Variants in ARHGAP42 observed in about 807,000 individuals in gnomAD.
ARHGAP42 encodes the protein rho GTPase-activating protein 42.
Under a neutral mutation model 125.0 loss-of-function variants are expected in ARHGAP42, and 63 were observed. The observed-to-expected ratio is 0.50, with a 90% CI of 0.41 to 0.62. The LOEUF (loss-of-function observed/expected upper bound fraction) is 0.62, where lower values mean the gene tolerates loss of function less well. Among genes scored for constraint, ARHGAP42 ranks in the 20% least tolerant of loss-of-function variants. The pLI is 0.00. For synonymous variants in ARHGAP42, 339 were observed against 351.0 expected (o/e 0.97, Z 0.38); for missense variants, 766 against 1,024.2 (o/e 0.75, Z 3.44).
Position 100,933,179 on chromosome 11 carries a change from A to G in ARHGAP42, c.621A>G (p.Leu207=), listed in dbSNP as rs762667631. Residue 207 remains leucine, a synonymous_variant, in exon 7 of 24, where the codon TTA becomes TTG. Coordinates refer to ENST00000298815, the MANE Select transcript of ARHGAP42 (RefSeq NM_152432.4). ...AGCTTTTGTCATTTCTTCAGGGCTTATTTACTTTTTACCATGAGGGATATG... is the reference window on the plus strand; with the variant it reads ...AGCTTTTGTCATTTCTTCAGGGCTTGTTTACTTTTTACCATGAGGGATATG... The part of the protein sequence containing the change: ...VEPLLSFLQG[L]FTFYHEGYEL... 5.6e-5 allele frequency: 87 copies of G among 1,549,276 alleles called. No homozygotes were observed. The highest frequency in any genetic ancestry group is 1.4e-4 in the Admixed American group (7 of 50,882).
At chr11:100,941,046 G>A (rs651301) in intron 8 of ARHGAP42, among the ~76,000 whole-genome samples, 27,053 of 152,062 alleles carry the variant, frequency 0.18, 3,330 homozygotes, top group East Asian at 0.42. Context: ...TCCAGGAAAG[G>A]CCATATTATG....
chr11:100,889,061 A>T (rs1181340312), intron 4 of ARHGAP42, among the ~76,000 whole-genome samples: 1 of 152,198 alleles, frequency 6.6e-6, no homozygotes, highest in Non-Finnish European at 1.5e-5. Flanking sequence ...TAAACTTAAC[A>T]TCCTTGGAAC....
chr11:100,706,106 C>T (rs924754691), intron 1 of ARHGAP42, among the ~76,000 whole-genome samples: 3 of 151,706 alleles, frequency 2.0e-5, no homozygotes, highest in African/African-American at 4.8e-5. Context: ...CAGCCTCCCA[C>T]GTAGCTGGGA....
At chr11:100,953,814 C>T (rs942852809) in intron 12 of ARHGAP42, among the ~76,000 whole-genome samples, 3 of 17,038 alleles carry the variant, frequency 1.8e-4, no homozygotes, top group South Asian at 1.7e-3. Flanking sequence ...GCTGCAATAT[C>T]CATGAAATTG....
intron 22 of ARHGAP42, among the ~76,000 whole-genome samples, chr11:100,983,078 C>T (rs73001795): frequency 0.011 from 1,741 of 152,296 alleles, 20 homozygotes; most frequent in Admixed American, 0.02. Context: ...GCACAGCCTT[C>T]TAATCTCATC....
At chr11:100,770,623 GCT>G (rs1173110832) in intron 2 of ARHGAP42, among the ~76,000 whole-genome samples, 185 bp downstream of exon 2, 4 of 152,144 alleles carry the variant, frequency 2.6e-5, no homozygotes, top group Non-Finnish European at 2.9e-5. Context: ...TGTCACCCAG[GCT>G]GGAGTGCAGT....
intron 6 of ARHGAP42, among the ~76,000 whole-genome samples, chr11:100,927,297 C>G (rs567589321): frequency 6.6e-6 from 1 of 151,920 alleles, no homozygotes; most frequent in Non-Finnish European, 1.5e-5. Flanking sequence ...TCTTTTTCAA[C>G]GTAATCAGTT....
intron 1 of ARHGAP42, among the ~76,000 whole-genome samples, chr11:100,722,821 T>G (rs1214257872): frequency 6.6e-6 from 1 of 152,228 alleles, no homozygotes; most frequent in Admixed American, 6.5e-5. Flanking sequence ...CTTACCAGTT[T>G]TTTCTTTGGA....
At position 100,992,906 on chromosome 11, in the gene ARHGAP42, T is replaced by G; in HGVS notation, c.*4105T>G. ...GCCCAGCCCATCATTCCTTTTCCCCTTGGCACTCATGAGAGAGATGCCAAG... is the reference window on the plus strand; with the variant it reads ...GCCCAGCCCATCATTCCTTTTCCCCGTGGCACTCATGAGAGAGATGCCAAG... On this transcript the variant is annotated 3_prime_UTR_variant, in exon 24 of 24. Transcript: ENST00000298815. 3.7e-6 allele frequency: 2 copies of G among 546,794 alleles called. No homozygotes were observed. Among genetic ancestry groups the G allele is most frequent in the Non-Finnish European group, 6.4e-6 (2 of 312,858 alleles). The allele number at this position is 546,794 out of a possible 1,614,324, so 33.9% of individuals were successfully genotyped here.
intron 3 of ARHGAP42, among the ~76,000 whole-genome samples, chr11:100,839,251 A>G (rs774418866): frequency 1.8e-4 from 27 of 152,322 alleles, no homozygotes; most frequent in Non-Finnish European, 3.2e-4. Context: ...AATCTGTCTC[A>G]TGAAGATTTT....
intron 1 of ARHGAP42, among the ~76,000 whole-genome samples, chr11:100,693,940 C>CT (rs199994515): frequency 0.034 from 4,914 of 145,298 alleles, 184 homozygotes; most frequent in African/African-American, 0.083. Context: ...TCTTTTCTTT[C>CT]TTTTTTTTTT....
At chr11:100,949,710 G>A (rs1317258391) in intron 11 of ARHGAP42, among the ~76,000 whole-genome samples, 3 of 152,098 alleles carry the variant, frequency 2.0e-5, no homozygotes, top group Admixed American at 2.0e-4. Context: ...GCACAGCCAC[G>A]GATGGAAAAG....
chr11:100,687,586 G>C lies in ARHGAP42; in HGVS notation c.-93G>C. 1 of 1,054,010 alleles carries C rather than the reference G, an allele frequency of 9.5e-7. No individual in the cohort carries two copies. Among genetic ancestry groups the C allele is most frequent in the Non-Finnish European group, 1.2e-6 (1 of 844,420 alleles). 65.3% of individuals were successfully genotyped at this position (1,054,010 alleles called of 1,614,324 possible). A position where few individuals can be genotyped will look rare whatever the true frequency, so the allele number is the denominator to read the frequency against. Reference sequence around the variant, plus strand: ...GCGTCCCGGCGCCTTCCCCGCGATCGCGCGACCCCAGCGCCCGCCGCGGCC... The same window carrying C: ...GCGTCCCGGCGCCTTCCCCGCGATCCCGCGACCCCAGCGCCCGCCGCGGCC... On this transcript the variant is annotated 5_prime_UTR_variant, in exon 1 of 24. Transcript: ENST00000298815.
intron 4 of ARHGAP42, among the ~76,000 whole-genome samples, chr11:100,870,949 A>C (rs975879174): frequency 7.9e-4 from 30 of 38,098 alleles, no homozygotes; most frequent in Non-Finnish European, 1.9e-3. Flanking sequence ...AGAAGGTTTA[A>C]AAAAAAAAAA....
At chr11:100,696,198 C>G (rs1861280034) in intron 1 of ARHGAP42, among the ~76,000 whole-genome samples, 1 of 152,050 alleles carries the variant, frequency 6.6e-6, no homozygotes, top group Non-Finnish European at 1.5e-5. Flanking sequence ...CCACTTCAGC[C>G]TGCACAACAG....
intron 2 of ARHGAP42, among the ~76,000 whole-genome samples, chr11:100,773,107 G>A (rs1191396425): frequency 6.6e-6 from 1 of 152,204 alleles, no homozygotes; most frequent in Non-Finnish European, 1.5e-5. Flanking sequence ...AAAGTGCTGG[G>A]ATTACAGGTG....
intron 12 of ARHGAP42, among the ~76,000 whole-genome samples, chr11:100,956,967 T>C (rs1418799476): frequency 6.6e-6 from 1 of 152,154 alleles, no homozygotes; most frequent in African/African-American, 2.4e-5. Context: ...GAAATTTACA[T>C]ATGTAGAGAT....
At chr11:100,957,383 A>G (rs1463382625) in intron 12 of ARHGAP42, among the ~76,000 whole-genome samples, 2 of 152,046 alleles carry the variant, frequency 1.3e-5, no homozygotes, top group Non-Finnish European at 2.9e-5. Flanking sequence ...TCTTACTACA[A>G]CTGTTTAACT....
At chr11:100,977,080 T>A in intron 21 of ARHGAP42, 109 bp downstream of exon 21, 1 of 1,287,964 alleles carries the variant, frequency 7.8e-7, no homozygotes, top group Non-Finnish European at 1.1e-6. Context: ...TGGGAATACT[T>A]TATCTGTAGA....
Sources: allele counts gnomAD v4.1 joint callset (sites outside exome capture counted in the v4.1 genomes callset), GRCh38; gene constraint gnomAD v4.1.1; transcripts MANE v1.5; gene names NCBI Gene and HGNC (gene_info 2026-07-23, HGNC 2026-07-21).